The following MBP variants were observed in gnomAD, a reference collection of about 807,000 sequenced individuals.
MBP encodes the protein Golli-MBP.
A neutral mutation model predicts 35.8 loss-of-function variants in MBP; 16 were observed. That is an observed-to-expected ratio of 0.45 (90% CI 0.30 to 0.68). MBP has a LOEUF of 0.68. Among genes scored for constraint, MBP ranks in the 30% least tolerant of loss-of-function variants. MBP has a pLI of 0.08. For missense variants in MBP, 380 were observed against 404.7 expected, an observed-to-expected ratio of 0.94 and a Z score of 0.52; for synonymous variants, 143 against 159.6, an observed-to-expected ratio of 0.90 and a Z score of 0.78.
chr18:77,045,597 A>C (rs542091461), intron 3 of MBP, among the ~76,000 whole-genome samples: 2 of 152,270 alleles, frequency 1.3e-5, no homozygotes, highest in African/African-American at 4.8e-5. Context: ...AATTCTGAAA[A>C]CCCTCGAGGT....
intron 2 of MBP, among the ~76,000 whole-genome samples, chr18:77,099,303 G>C (rs558981349): frequency 6.6e-6 from 1 of 152,290 alleles, no homozygotes; most frequent in East Asian, 1.9e-4. Context: ...CCAGACCTAC[G>C]GTCCCAGCCA....
intron 2 of MBP, among the ~76,000 whole-genome samples, chr18:77,081,813 C>CAT (rs1555726070): frequency 0.014 from 1,248 of 90,678 alleles, 48 homozygotes; most frequent in African/African-American, 0.042. Context: ...TATGCACACA[C>CAT]ATATATACAC....
intron 3 of MBP, among the ~76,000 whole-genome samples, chr18:77,059,446 TATA>T (rs966773345): frequency 3.1e-4 from 46 of 150,726 alleles, no homozygotes; most frequent in African/African-American, 9.8e-4. Context: ...GAATTTAAAT[TATA>T]ATAATTTAAT....
At chr18:76,993,957 G>C (rs992693541) in intron 4 of MBP, among the ~76,000 whole-genome samples, 5 of 152,208 alleles carry the variant, frequency 3.3e-5, no homozygotes, top group Non-Finnish European at 7.3e-5. Context: ...GTCTATGAAT[G>C]CTGCAAGAAC....
intron 4 of MBP, among the ~76,000 whole-genome samples, chr18:77,007,601 T>C (rs1971063888): frequency 6.6e-6 from 1 of 152,160 alleles, no homozygotes. Context: ...ATCTTCATTT[T>C]CCCTTCATTC....
chr18:76,994,197 T>C (rs559109020), intron 4 of MBP, among the ~76,000 whole-genome samples: 5 of 152,370 alleles, frequency 3.3e-5, no homozygotes, highest in East Asian at 1.9e-4. Context: ...AAGTTACTTA[T>C]TAGCTCCTAC....
chr18:77,067,426 T>C (rs1220870523), intron 2 of MBP, among the ~76,000 whole-genome samples: 1 of 152,260 alleles, frequency 6.6e-6, no homozygotes, highest in Non-Finnish European at 1.5e-5. Flanking sequence ...CACAGACTGC[T>C]TGCACAGCCC....
intron 2 of MBP, among the ~76,000 whole-genome samples, chr18:77,103,284 G>A (rs985467122): frequency 2.6e-5 from 4 of 152,170 alleles, no homozygotes; most frequent in African/African-American, 7.2e-5. Context: ...GAAGAGGTCT[G>A]GAGACTGAAA....
intron 3 of MBP, among the ~76,000 whole-genome samples, chr18:77,024,531 T>C (rs1177273368): frequency 6.6e-6 from 1 of 152,268 alleles, no homozygotes; most frequent in Non-Finnish European, 1.5e-5. Context: ...AACCCTAATT[T>C]ATGCTTTTGG....
intron 4 of MBP, 29 bp from the exon 5 acceptor site, chr18:76,990,089 GACAAGTCC>G: frequency 1.3e-6 from 2 of 1,501,352 alleles, no homozygotes; most frequent in Non-Finnish European, 1.8e-6. Flanking sequence ...GTGACCTCAG[GACAAGTCC>G]ACAGTCCCTG....
rs1485415127 is a variant in MBP, at chr18:76,988,633, A to G, written c.718-106T>C. On this transcript the variant is annotated intron_variant, in intron 6 of 8. Coordinates refer to ENST00000355994, the MANE Select transcript of MBP (RefSeq NM_001025101.2). The surrounding 1 kb of genome is among the most constrained non-coding windows in gnomAD (Gnocchi z 5.2). ...AGCACAGTGGAGCTGAGGTGGTAAA[A>G]ACAGGTTCCACCCGGAGCTCCGAGG... 1.3e-6 allele frequency: 2 copies of G among 1,522,248 alleles called. No individual in the cohort carries two copies. Among genetic ancestry groups the G allele is most frequent in the East Asian group, 2.3e-5 (1 of 43,940 alleles). 94.3% of individuals were successfully genotyped at this position (1,522,248 alleles called of 1,614,324 possible).
chr18:77,017,319 G>A lies in MBP; in HGVS notation c.140-51C>T, dbSNP rs754371483. ...ACGGGCCTGTGCAAAGCTGAGCACC[G>A]GACAAAGCAGCTTTCTCTGAGGGGT... On this transcript the variant is annotated intron_variant, in intron 3 of 8. Transcript: ENST00000355994. The A allele has an allele frequency of 1.7e-5, 24 of 1,453,974 alleles. No individual in the cohort carries two copies. The South Asian group carries it at 1.9e-4, about 12-fold the overall frequency. 90.1% of individuals were successfully genotyped at this position (1,453,974 alleles called of 1,614,324 possible).
intron 2 of MBP, among the ~76,000 whole-genome samples, chr18:77,089,191 A>C (rs1479030118): frequency 6.6e-6 from 1 of 152,206 alleles, no homozygotes; most frequent in Non-Finnish European, 1.5e-5. Context: ...CTGGGTGTTC[A>C]TTCCATTCCT....
At chr18:76,990,789 C>G (rs914585035) in intron 4 of MBP, 1 of 215,874 alleles carries the variant, frequency 4.6e-6, no homozygotes, top group Non-Finnish European at 9.7e-6. Flanking sequence ...TTTTTAAGGG[C>G]TTCTACTAGG....
chr18:77,120,881 T>A (rs1024543446), intron 1 of MBP, among the ~76,000 whole-genome samples: 1 of 152,226 alleles, frequency 6.6e-6, no homozygotes, highest in African/African-American at 2.4e-5. Context: ...CTACAAGATT[T>A]AGGACCCCGT....
At chr18:77,072,498 T>C (rs1895159441) in intron 2 of MBP, among the ~76,000 whole-genome samples, 1 of 152,240 alleles carries the variant, frequency 6.6e-6, no homozygotes, top group Admixed American at 6.5e-5. Flanking sequence ...GAGTTTTCTG[T>C]ACCTGTTTGC....
intron 2 of MBP, 104 bp from the exon 3 acceptor site, chr18:77,066,489 C>A: frequency 1.2e-6 from 1 of 820,276 alleles, no homozygotes; most frequent in South Asian, 1.4e-5. Flanking sequence ...ATCAGATAAT[C>A]AGTTTCACAT....
chr18:77,011,783 C>T (rs1233967130), intron 4 of MBP, among the ~76,000 whole-genome samples: 1 of 152,198 alleles, frequency 6.6e-6, no homozygotes, highest in Non-Finnish European at 1.5e-5. Flanking sequence ...GATTTCAGAG[C>T]ATTAAGAGTG....
chr18:77,013,387 G>A, intron 4 of MBP: 1 of 985,358 alleles, frequency 1.0e-6, no homozygotes, highest in African/African-American at 1.7e-5. Flanking sequence ...TCTCCAAATG[G>A]TACACGCCCC....
Sources: allele counts gnomAD v4.1 joint callset (sites outside exome capture counted in the v4.1 genomes callset), GRCh38; gene constraint gnomAD v4.1.1; non-coding constraint Gnocchi (gnomAD v3.1); transcripts MANE v1.5; gene names NCBI Gene and HGNC (gene_info 2026-07-23, HGNC 2026-07-21).